Variants in HS6ST3 observed in about 807,000 individuals in gnomAD.
HS6ST3 encodes the protein heparan-sulfate 6-O-sulfotransferase 3.
A neutral mutation model predicts 36.7 loss-of-function variants in HS6ST3; 12 were observed. That is an observed-to-expected ratio of 0.33 (90% CI 0.21 to 0.53). The LOEUF is 0.53. Ranked by LOEUF, HS6ST3 falls within the 20% of genes least tolerant of loss-of-function variation. The pLI is 0.95. For missense variants in HS6ST3, 584 were observed against 640.9 expected, an observed-to-expected ratio of 0.91 and a Z score of 0.96; for synonymous variants, 240 against 257.5, an observed-to-expected ratio of 0.93 and a Z score of 0.65.
intron 1 of HS6ST3, among the ~76,000 whole-genome samples, chr13:96,809,114 G>C (rs1490465393): frequency 6.6e-6 from 1 of 152,156 alleles, no homozygotes; most frequent in Non-Finnish European, 1.5e-5. Flanking sequence ...TTAGATTCAA[G>C]GAAAAAGCTC....
intron 1 of HS6ST3, among the ~76,000 whole-genome samples, chr13:96,484,278 C>G (rs1429757430): frequency 2.0e-5 from 3 of 151,720 alleles, no homozygotes; most frequent in Non-Finnish European, 4.4e-5. Flanking sequence ...TCACCTTACT[C>G]TCCTTCCTTC....
chr13:96,592,415 T>A (rs950796922), intron 1 of HS6ST3, among the ~76,000 whole-genome samples: 1 of 152,178 alleles, frequency 6.6e-6, no homozygotes, highest in African/African-American at 2.4e-5. Flanking sequence ...TGGTTCATTG[T>A]TTAGTCTTTC....
chr13:96,284,343 C>T (rs894898150), intron 1 of HS6ST3, among the ~76,000 whole-genome samples: 6 of 152,162 alleles, frequency 3.9e-5, no homozygotes, highest in Non-Finnish European at 8.8e-5. Context: ...AGTCCCAAAA[C>T]CTCAAAAGTA....
In HS6ST3 at chr13:96,463,127, C is replaced by T. The variant is rs191472759; in HGVS notation, c.708-369363C>T. On this transcript the variant is annotated intron_variant, in intron 1 of 1. Transcript: ENST00000376705. ...GAGTTGTGTGAATTTTGTAACTAGA[C>T]GAACTGTTTTTTAAAAGATTTATTT... 1.0e-3 allele frequency among the ~76,000 whole-genome samples: 154 copies of T among 152,118 alleles called. 1 individual carries two copies. The highest frequency in any genetic ancestry group is 3.5e-3 in the African/African-American group (144 of 41,502).
At chr13:96,681,109 T>C (rs1272308561) in intron 1 of HS6ST3, among the ~76,000 whole-genome samples, 2 of 152,192 alleles carry the variant, frequency 1.3e-5, no homozygotes, top group Non-Finnish European at 2.9e-5. Context: ...CTTATAGGGG[T>C]TCTCCACAGT....
Position 96,314,598 on chromosome 13 carries a change from A to T in HS6ST3, c.707+223029A>T, listed in dbSNP as rs76572104. Among the ~76,000 whole-genome samples the T allele has an allele frequency of 2.2e-3, 339 of 152,318 alleles. 1 individual carries two copies. The highest frequency in any genetic ancestry group is 7.6e-3 in the African/African-American group (315 of 41,580). ...GAGAGGGTAGATATTTTATGTTAAA[A>T]AAATAGACCAACATTGTGAATAATT... is the stretch of plus-strand genomic sequence containing the variant. On this transcript the variant is annotated intron_variant, in intron 1 of 1. Transcript: ENST00000376705.
chr13:96,381,189 T>C (rs752879563), intron 1 of HS6ST3, among the ~76,000 whole-genome samples: 2 of 152,220 alleles, frequency 1.3e-5, no homozygotes, highest in Non-Finnish European at 2.9e-5. Context: ...TCTTTCACTT[T>C]GTACGCTCAG....
intron 1 of HS6ST3, among the ~76,000 whole-genome samples, chr13:96,263,286 C>G (rs552624362): frequency 5.1e-4 from 77 of 152,256 alleles, no homozygotes; most frequent in African/African-American, 1.7e-3. Flanking sequence ...ATATAGTTTT[C>G]TATCCAAACA....
At chr13:96,257,200 A>G (rs555721407) in intron 1 of HS6ST3, among the ~76,000 whole-genome samples, 15 of 152,174 alleles carry the variant, frequency 9.9e-5, no homozygotes, top group Non-Finnish European at 1.9e-4. Flanking sequence ...GGGTTTAACA[A>G]GAGACTAGAG....
At chr13:96,121,070 T>C (rs1407555018) in intron 1 of HS6ST3, among the ~76,000 whole-genome samples, 1 of 152,190 alleles carries the variant, frequency 6.6e-6, no homozygotes, top group African/African-American at 2.4e-5. Flanking sequence ...AAACAGAAAC[T>C]GTTAGAATGG....
chr13:96,145,697 CT>C (rs2054054757), intron 1 of HS6ST3, among the ~76,000 whole-genome samples: 1 of 152,080 alleles, frequency 6.6e-6, no homozygotes, highest in Admixed American at 6.6e-5. Flanking sequence ...GTTGCCATTG[CT>C]TTTGGTGTTT....
Position 96,299,169 on chromosome 13 carries a change from C to T in HS6ST3, c.707+207600C>T, listed in dbSNP as rs1020199775. Among the ~76,000 whole-genome samples, 9 of 152,216 alleles carry T rather than the reference C, an allele frequency of 5.9e-5. No homozygotes were observed. In the South Asian group the frequency reaches 1.5e-3, roughly 25 times the overall value. Reference sequence around the variant, plus strand: ...TCAAAGACAAGAGAGTCGCTGCTTGCGTAGAATTCGCAATCTATTGGTTGC... The same window carrying T: ...TCAAAGACAAGAGAGTCGCTGCTTGTGTAGAATTCGCAATCTATTGGTTGC... On this transcript the variant is annotated intron_variant, in intron 1 of 1. Coordinates refer to ENST00000376705, the MANE Select transcript of HS6ST3 (RefSeq NM_153456.4).
At chr13:96,460,963 A>G (rs547625407) in intron 1 of HS6ST3, among the ~76,000 whole-genome samples, 13 of 152,336 alleles carry the variant, frequency 8.5e-5, no homozygotes, top group African/African-American at 3.1e-4. Context: ...GTGCTATGGA[A>G]CAACCCACTG....
At chr13:96,115,033 C>T (rs759284531) in intron 1 of HS6ST3, among the ~76,000 whole-genome samples, 2 of 152,122 alleles carry the variant, frequency 1.3e-5, no homozygotes, top group African/African-American at 2.4e-5. Flanking sequence ...CTTCCTTGAC[C>T]TTGTGCTGAC....
At chr13:96,387,886 G>A (rs181895829) in intron 1 of HS6ST3, among the ~76,000 whole-genome samples, 43 of 152,282 alleles carry the variant, frequency 2.8e-4, no homozygotes, top group Non-Finnish European at 2.9e-5. Flanking sequence ...GGGGCCATTT[G>A]CAGGTGACTG....
chr13:96,353,923 G>A (rs2055197163), intron 1 of HS6ST3, among the ~76,000 whole-genome samples: 1 of 152,136 alleles, frequency 6.6e-6, no homozygotes, highest in South Asian at 2.1e-4. Flanking sequence ...TAATTCAACA[G>A]TGTTATCAAG....
chr13:96,366,605 T>C (rs1478346696), intron 1 of HS6ST3, among the ~76,000 whole-genome samples: 1 of 152,058 alleles, frequency 6.6e-6, no homozygotes, highest in Non-Finnish European at 1.5e-5. Context: ...CTAGGGTGTT[T>C]CTAAAAATCC....
At chr13:96,820,687 TG>T (rs533753363) in intron 1 of HS6ST3, among the ~76,000 whole-genome samples, 1 of 152,388 alleles carries the variant, frequency 6.6e-6, no homozygotes, top group South Asian at 2.1e-4. Flanking sequence ...AACTCGAATC[TG>T]TCTGACTTCA....
chr13:96,555,471 A>G (rs1280216657), intron 1 of HS6ST3, among the ~76,000 whole-genome samples: 2 of 152,168 alleles, frequency 1.3e-5, no homozygotes, highest in Non-Finnish European at 1.5e-5. Flanking sequence ...AAAGAACACC[A>G]TAAGATAAGA....
Sources: gnomAD v4.1 joint callset for allele counts (sites outside exome capture counted in the v4.1 genomes callset) on GRCh38, gnomAD v4.1.1 for gene constraint, MANE v1.5 for transcripts, NCBI Gene and HGNC (gene_info 2026-07-23, HGNC 2026-07-21) for gene names.